OXR1: variants seen among roughly 807,000 people sequenced by gnomAD.
OXR1 encodes oxidation resistance 1.
A neutral mutation model predicts 104.6 loss-of-function variants in OXR1; 41 were observed. The observed-to-expected ratio is 0.39, with a 90% CI of 0.31 to 0.51. OXR1 has a LOEUF of 0.51. Ranked by LOEUF, OXR1 falls within the 20% of genes least tolerant of loss-of-function variation. The pLI is 0.77. For missense variants in OXR1, 955 were observed against 1,031.9 expected, an observed-to-expected ratio of 0.93 and a Z score of 1.02; for synonymous variants, 348 against 348.4, an observed-to-expected ratio of 1.00 and a Z score of 0.01.
At chr8:106,683,440 C>T in intron 5 of OXR1, 134 bp downstream of exon 5, 2 of 465,796 alleles carry the variant, frequency 4.3e-6, no homozygotes, top group South Asian at 5.1e-5. Flanking sequence ...ATCATATTGG[C>T]CATGTAAGAG....
rs543849763 is a variant in OXR1, at chr8:106,473,279, T to C, written c.24-45664T>C. ...GCAACTGGAAAATGCCTTTTGATGATGGTGATTAAATAAAGGTCAAAGAAT... is the reference window on the plus strand; with the variant it reads ...GCAACTGGAAAATGCCTTTTGATGACGGTGATTAAATAAAGGTCAAAGAAT... On this transcript the variant is annotated intron_variant, in intron 2 of 16. Transcript: ENST00000517566. Among the ~76,000 whole-genome samples, 88 of 151,968 alleles carry C rather than the reference T, an allele frequency of 5.8e-4. 1 individual carries two copies. The highest frequency in any genetic ancestry group is 5.2e-3 in the South Asian group (25 of 4,824).
chr8:106,728,217 GAAAAAAA>G lies in OXR1; in HGVS notation c.1957-9285_1957-9279del, dbSNP rs1164061309. Among the ~76,000 whole-genome samples, 36 of 85,824 alleles carry G rather than the reference GAAAAAAA, an allele frequency of 4.2e-4. No homozygotes were observed. The South Asian group carries it at 5.1e-3, about 12-fold the overall frequency. The allele number at this position is 85,824 out of a possible 152,430, so 56.3% of individuals were successfully genotyped here. Reference sequence around the variant, plus strand: ...AAGGGGCTCTTATGCTTCTAAACTGGAAAAAAAAAAAAAAAAAAAAAAAATTCTAAGA... The same window carrying G: ...AAGGGGCTCTTATGCTTCTAAACTGGAAAAAAAAAAAAAAAAATTCTAAGA... On this transcript the variant is annotated intron_variant, in intron 11 of 16. Coordinates refer to ENST00000517566, the MANE Select transcript of OXR1 (RefSeq NM_001198533.2).
At chr8:106,582,077 T>C (rs1268295017) in intron 3 of OXR1, among the ~76,000 whole-genome samples, 1 of 143,306 alleles carries the variant, frequency 7.0e-6, no homozygotes, top group Admixed American at 6.9e-5. Flanking sequence ...AAGAAAATTA[T>C]CATTTTCTAG....
intron 7 of OXR1, among the ~76,000 whole-genome samples, chr8:106,694,355 T>C (rs892891632): frequency 6.8e-6 from 1 of 146,962 alleles, no homozygotes; most frequent in African/African-American, 2.5e-5. Flanking sequence ...TTTATCTGTT[T>C]TTGCCTTTCA....
At chr8:106,617,402 C>T (rs1821330258) in intron 3 of OXR1, among the ~76,000 whole-genome samples, 1 of 152,006 alleles carries the variant, frequency 6.6e-6, no homozygotes, top group South Asian at 2.1e-4. Flanking sequence ...GTACTCCAGC[C>T]TGGGTGACAG....
chr8:106,623,866 G>A (rs1412362322), intron 3 of OXR1, among the ~76,000 whole-genome samples: 3 of 152,200 alleles, frequency 2.0e-5, no homozygotes, highest in Admixed American at 6.5e-5. Context: ...TTATCCAAAT[G>A]CATCATGTGA....
chr8:106,363,891 C>T (rs995273733), intron 2 of OXR1, among the ~76,000 whole-genome samples: 2 of 152,090 alleles, frequency 1.3e-5, no homozygotes, highest in Admixed American at 6.6e-5. Context: ...CATCAAGGCC[C>T]TGGAAGAAAT....
At chr8:106,387,970 G>A (rs562956315) in intron 2 of OXR1, among the ~76,000 whole-genome samples, 5 of 152,286 alleles carry the variant, frequency 3.3e-5, no homozygotes, top group African/African-American at 1.2e-4. Context: ...TTCTCTTACA[G>A]CCTAAAATAG....
chr8:106,319,892 T>C (rs182419183), intron 1 of OXR1, among the ~76,000 whole-genome samples: 46 of 152,350 alleles, frequency 3.0e-4, no homozygotes, highest in African/African-American at 9.6e-4. Flanking sequence ...TTTGAAGTTT[T>C]GCAGCACAGT....
chr8:106,318,753 T>G (rs2130169289), intron 1 of OXR1, among the ~76,000 whole-genome samples: 1 of 152,308 alleles, frequency 6.6e-6, no homozygotes, highest in Middle Eastern at 3.4e-3. Context: ...ACACAATTAT[T>G]ATAAGATACT....
chr8:106,452,728 C>G (rs1320214904), intron 2 of OXR1, among the ~76,000 whole-genome samples: 1 of 152,020 alleles, frequency 6.6e-6, no homozygotes, highest in Non-Finnish European at 1.5e-5. Context: ...GAAATCTTGT[C>G]CTTTGCTTTT....
At chr8:106,723,846 A>G (rs529817098) in intron 11 of OXR1, among the ~76,000 whole-genome samples, 12 of 151,866 alleles carry the variant, frequency 7.9e-5, no homozygotes, top group African/African-American at 2.2e-4. Context: ...CTGGAATGCA[A>G]TGGCACACTC....
chr8:106,452,202 G>A (rs749680347), intron 2 of OXR1, among the ~76,000 whole-genome samples: 2 of 152,094 alleles, frequency 1.3e-5, no homozygotes, highest in Admixed American at 6.6e-5. Flanking sequence ...GATGGAAACC[G>A]AACTCCACAA....
intron 11 of OXR1, chr8:106,720,632 C>A: frequency 4.3e-6 from 2 of 459,856 alleles, no homozygotes; most frequent in Non-Finnish European, 2.9e-6. Flanking sequence ...CAGTAACAGC[C>A]ATGCAGATAC....
intron 1 of OXR1, among the ~76,000 whole-genome samples, chr8:106,351,990 C>G (rs1443566689): frequency 6.6e-6 from 1 of 152,082 alleles, no homozygotes; most frequent in African/African-American, 2.4e-5. Flanking sequence ...GTTTCTGACA[C>G]CATAGTAGTC....
At chr8:106,637,536 C>T (rs1823241400) in intron 3 of OXR1, among the ~76,000 whole-genome samples, 1 of 152,086 alleles carries the variant, frequency 6.6e-6, no homozygotes, top group African/African-American at 2.4e-5. Context: ...TAAATCAAGA[C>T]GACTGAAATG....
At chr8:106,495,990 A>G (rs1399955291) in intron 2 of OXR1, among the ~76,000 whole-genome samples, 1 of 152,174 alleles carries the variant, frequency 6.6e-6, no homozygotes, top group Non-Finnish European at 1.5e-5. Flanking sequence ...ATTGTGGTTC[A>G]TTATCTGCAT....
chr8:106,484,124 A>G (rs1822301543), intron 2 of OXR1, among the ~76,000 whole-genome samples: 1 of 152,142 alleles, frequency 6.6e-6, no homozygotes, highest in African/African-American at 2.4e-5. Flanking sequence ...GACATTGTCA[A>G]GAGAATCAAA....
rs747283180 is a variant in OXR1 at position 106,478,723 on chromosome 8, T to TA, written c.24-40214dup. ...TTAACATAATACGTATGATTAATTC[T>TA]AAAAAATAATTTGTACTATTATTTA... is the stretch of plus-strand genomic sequence containing the variant. On this transcript the variant is annotated intron_variant, in intron 2 of 16. Transcript: ENST00000517566. Among the ~76,000 whole-genome samples, 4 of 151,744 alleles carry TA rather than the reference T, an allele frequency of 2.6e-5. No individual in the cohort carries two copies. In the East Asian group the frequency reaches 7.8e-4, roughly 29 times the overall value.
Sources: allele counts gnomAD v4.1 joint callset (sites outside exome capture counted in the v4.1 genomes callset), GRCh38; gene constraint gnomAD v4.1.1; transcripts MANE v1.5; gene names NCBI Gene and HGNC (gene_info 2026-07-23, HGNC 2026-07-21).